Variants in TMC8 observed in about 807,000 individuals in gnomAD.
TMC8 encodes transmembrane channel-like protein 8.
In TMC8, 71 loss-of-function variants were observed where a neutral mutation model predicts 76.0. That is an observed-to-expected ratio of 0.93 (90% CI 0.77 to 1.14). The LOEUF (loss-of-function observed/expected upper bound fraction) is 1.14. TMC8 is among the 50% of genes most tolerant of loss of function. The probability of loss-of-function intolerance (pLI) is 0.00; values close to 1 mark genes in which losing one functional copy is unlikely to be tolerated. For missense variants in TMC8, 924 were observed against 947.9 expected, an observed-to-expected ratio of 0.97 and a Z score of 0.33; for synonymous variants, 433 against 433.8, an observed-to-expected ratio of 1.00 and a Z score of 0.02.
rs752557244 is a variant in TMC8, at chr17:78,133,452, C to G, written c.578C>G (p.Pro193Arg). The G allele has an allele frequency of 1.4e-5, 22 of 1,613,632 alleles. No individual in the cohort carries two copies. The highest frequency in any genetic ancestry group is 3.3e-5 in the Admixed American group (2 of 59,992). ...TTCTACGGTGCGTACCGAGTGGGGC[C>G]GGAGAGCAGCTCCGTGTACAGCATC... ...YLFYGAYRVG[P>R]ESSSVYSIRL... is the part of the protein sequence containing the mutation. The change falls in exon 6 of 16, where the codon CCG becomes CGG. Residue 193 changes from proline to arginine, a missense_variant. Coordinates refer to ENST00000318430, the MANE Select transcript of TMC8 (RefSeq NM_152468.5).
chr17:78,137,396 T>C, intron 10 of TMC8, 38 bp downstream of exon 10: 2 of 1,613,142 alleles, frequency 1.2e-6, no homozygotes, highest in South Asian at 1.1e-5. Context: ...CCTCCCTTCC[T>C]TCTCCCCAAA....
chr17:78,140,497 G>A (rs2075345706), intron 15 of TMC8, among the ~76,000 whole-genome samples: 1 of 151,692 alleles, frequency 6.6e-6, no homozygotes, highest in African/African-American at 2.4e-5. Flanking sequence ...ATCTGCATGG[G>A]GTGGGACCCT....
rs11654773 is a variant in TMC8 at position 78,141,852 on chromosome 17, T to G, written c.*740T>G. ...GCCTCACGTCCACAGAGCTGCCTTG[T>G]GAAACTCAGCAGAGCCCTGGCTTCC... On this transcript the variant is annotated 3_prime_UTR_variant, in exon 16 of 16. Coordinates refer to ENST00000318430, the MANE Select transcript of TMC8 (RefSeq NM_152468.5). 0.061 allele frequency: 9,232 copies of G among 152,380 alleles called. 409 individuals are homozygous for G. Among genetic ancestry groups the G allele is most frequent in the African/African-American group, 0.12 (4,894 of 41,570 alleles). The allele number at this position is 152,380 out of a possible 1,614,324, so 9.4% of individuals were successfully genotyped here. A position where few individuals can be genotyped will look rare whatever the true frequency, so the allele number is the denominator to read the frequency against.
intron 14 of TMC8, 127 bp from the exon 15 acceptor site, chr17:78,139,035 A>G: frequency 6.3e-7 from 1 of 1,580,576 alleles, no homozygotes; most frequent in Non-Finnish European, 8.6e-7. Context: ...ATCCTCAGAT[A>G]CAGCAGTGTG....
In TMC8 at chr17:78,133,975, A is replaced by G; in HGVS notation, c.791A>G (p.Lys264Arg). 6.2e-7 allele frequency: 1 copy of G among 1,613,798 alleles called. No homozygotes were observed. The highest frequency in any genetic ancestry group is 8.5e-7 in the Non-Finnish European group (1 of 1,180,050). The change falls in exon 7 of 16, where the codon AAG (lysine) becomes AGG (arginine). Residue 264 changes from lysine (K) to arginine (R), a missense_variant. Coordinates refer to ENST00000318430, the MANE Select transcript of TMC8 (RefSeq NM_152468.5). ...IRVQEAATIK[K>R]HEISNEFKVE... ...GTGCAGGAAGCAGCCACCATCAAGA[A>G]GCATGAGATCAGCAACGAGTTCAAG...
chr17:78,131,900 G>T lies in TMC8; in HGVS notation c.168G>T (p.Ala56=). ...CGTCCAGGCAGCTGCGGGAGCCCGCGGGGGTGCAGACCTTGCGCTGGCAGC... is the reference window on the plus strand; with the variant it reads ...CGTCCAGGCAGCTGCGGGAGCCCGCTGGGGTGCAGACCTTGCGCTGGCAGC... The part of the protein sequence containing the change: ...KRLIWQLREP[A]GVQTLRWQRW... Residue 56 remains alanine (A), a synonymous_variant, in exon 3 of 16, where the codon GCG becomes GCT. Transcript: ENST00000318430. 1 of 1,472,414 alleles carries T rather than the reference G, an allele frequency of 6.8e-7. No individual in the cohort carries two copies. 91.2% of individuals were successfully genotyped at this position (1,472,414 alleles called of 1,614,324 possible). A position where few individuals can be genotyped will look rare whatever the true frequency, so the allele number is the denominator to read the frequency against.
In TMC8 at chr17:78,138,113, G is replaced by A; in HGVS notation, c.1458G>A (p.Trp486Ter). ...TCGTGGCGGGGCAGACGGTCACCTG[G>A]ATGGGCCTCTTCTACTGCCCCCTGC... ...LDIVAGQTVT[W>*]MGLFYCPLLP... The change falls in exon 12 of 16, where the codon TGG (tryptophan) becomes TGA (stop). Residue 486 changes from tryptophan to a stop codon, truncating the protein, a stop_gained. Transcript: ENST00000318430. LOFTEE classifies it high-confidence loss of function. The A allele has an allele frequency of 6.2e-7, 1 of 1,613,986 alleles. No individual in the cohort carries two copies. Among genetic ancestry groups the A allele is most frequent in the Non-Finnish European group, 8.5e-7 (1 of 1,180,000 alleles).
intron 12 of TMC8, 47 bp downstream of exon 12, chr17:78,138,235 A>T (rs1221038211): frequency 6.2e-7 from 1 of 1,613,036 alleles, no homozygotes; most frequent in Non-Finnish European, 8.5e-7. Context: ...CTCTGGGTGG[A>T]TGCCTTGAGC....
Position 78,131,832 on chromosome 17 carries a change from G to T in TMC8, c.150-50G>T, listed in dbSNP as rs1437209268. 3 of 1,490,330 alleles carry T rather than the reference G, an allele frequency of 2.0e-6. No homozygotes were observed. In the African/African-American group the frequency reaches 4.2e-5, roughly 21 times the overall value. 92.3% of individuals were successfully genotyped at this position (1,490,330 alleles called of 1,614,324 possible). On this transcript the variant is annotated intron_variant, in intron 2 of 15. Transcript: ENST00000318430. ...GGAGCACCCCGTCTGCTTGGCCCGG[G>T]TGGGCAGGGCGGGTGACTCAGGGGC... is the stretch of plus-strand genomic sequence containing the variant.
chr17:78,137,514 C>A (rs1470432389), intron 10 of TMC8, 156 bp downstream of exon 10: 1 of 1,358,942 alleles, frequency 7.4e-7, no homozygotes, highest in Non-Finnish European at 1.0e-6. Flanking sequence ...GGGGGCGCCA[C>A]TGCTGCCACA....
intron 12 of TMC8, 24 bp from the exon 13 acceptor site, chr17:78,138,324 TG>T (rs1183713302): frequency 1.2e-6 from 2 of 1,610,628 alleles, no homozygotes; most frequent in Non-Finnish European, 1.7e-6. Flanking sequence ...CGCTGACTCC[TG>T]GTTGCTATTG....
chr17:78,139,751 A>T (rs1402049136), intron 15 of TMC8, among the ~76,000 whole-genome samples: 4 of 144,128 alleles, frequency 2.8e-5, no homozygotes, highest in Non-Finnish European at 6.0e-5. Flanking sequence ...AAAAAAAAAA[A>T]AACCGGGCAC....
At chr17:78,138,315 G>A (rs377719722) in intron 12 of TMC8, 34 bp from the exon 13 acceptor site, 41 of 1,610,456 alleles carry the variant, frequency 2.5e-5, no homozygotes, top group Non-Finnish European at 3.2e-5. Flanking sequence ...TGCATAACTC[G>A]CTGACTCCTG....
At chr17:78,136,797 C>T (rs1322791180) in intron 9 of TMC8, 3 of 320,044 alleles carry the variant, frequency 9.4e-6, no homozygotes, top group South Asian at 5.2e-5. Flanking sequence ...CGCCGTGGCC[C>T]ACACCTGTAA....
rs143060603 is a variant in TMC8 at position 78,140,751 on chromosome 17, C to A, written c.1903-83C>A. ...TTTGGGTGCGGGCTGGCCCATGGGCCGCAGAGTTGCTGCCGCTGCTGTCCT... is the reference window on the plus strand; with the variant it reads ...TTTGGGTGCGGGCTGGCCCATGGGCAGCAGAGTTGCTGCCGCTGCTGTCCT... On this transcript the variant is annotated intron_variant, in intron 15 of 15. Coordinates refer to ENST00000318430, the MANE Select transcript of TMC8 (RefSeq NM_152468.5). 3.4e-4 allele frequency: 524 copies of A among 1,535,400 alleles called. 1 individual carries two copies. The African/African-American group carries it at 5.8e-3, about 17-fold the overall frequency.
chr17:78,134,128 A>T, intron 7 of TMC8, 128 bp downstream of exon 7: 1 of 1,423,764 alleles, frequency 7.0e-7, no homozygotes, highest in Non-Finnish European at 9.9e-7. Flanking sequence ...CGTGTGTGGG[A>T]GGGAGCCTGT....
At chr17:78,132,705 G>T in intron 4 of TMC8, 83 bp from the exon 5 acceptor site, 1 of 1,550,798 alleles carries the variant, frequency 6.4e-7, no homozygotes, top group Admixed American at 1.7e-5. Flanking sequence ...CCTCCCCAGG[G>T]TTGGGGGTTA....
At chr17:78,134,272 A>C in intron 7 of TMC8, 122 bp from the exon 8 acceptor site, 1 of 1,236,512 alleles carries the variant, frequency 8.1e-7, no homozygotes, top group Non-Finnish European at 1.2e-6. Flanking sequence ...TGACAGTGTG[A>C]GAGTTTGTGA....
intron 7 of TMC8, 74 bp downstream of exon 7, chr17:78,134,074 TC>T (rs2145648663): frequency 1.2e-6 from 2 of 1,606,470 alleles, no homozygotes; most frequent in African/African-American, 2.7e-5. Context: ...AGCCACGTGT[TC>T]CAGGTGTGTG....
Sources: gnomAD v4.1 joint callset for allele counts (sites outside exome capture counted in the v4.1 genomes callset) on GRCh38, gnomAD v4.1.1 for gene constraint, MANE v1.5 for transcripts, NCBI Gene and HGNC (gene_info 2026-07-23, HGNC 2026-07-21) for gene names.